GRIN2D: variants seen among roughly 807,000 people sequenced by gnomAD.
GRIN2D encodes the protein glutamate receptor ionotropic, NMDA 2D.
A neutral mutation model predicts 103.2 loss-of-function variants in GRIN2D; 37 were observed. The ratio of observed to expected loss-of-function variants is 0.36; its 90% CI spans 0.28 to 0.47. The LOEUF is 0.47. GRIN2D is among the 20% of genes least tolerant of loss of function. GRIN2D has a pLI of 1.00. For missense variants in GRIN2D, 1,557 were observed against 1,910.6 expected, an observed-to-expected ratio of 0.81 and a Z score of 3.45; for synonymous variants, 845 against 885.6, an observed-to-expected ratio of 0.95 and a Z score of 0.81.
Position 48,415,010 on chromosome 19 carries a change from T to C in GRIN2D, c.1559T>C (p.Val520Ala). ...NGKHGKKIDG[V>A]WNGMIGEVFY... ...AAGCACGGAAAGAAGATCGATGGCG[T>C]CTGGAACGGCATGATCGGGGAGGTG... The change falls in exon 7 of 14, where the codon GTC (valine) becomes GCC (alanine). Residue 520 changes from valine (V) to alanine (A), a missense_variant. Transcript: ENST00000263269. 2 of 1,598,970 alleles carry C rather than the reference T, an allele frequency of 1.3e-6. No homozygotes were observed. Among genetic ancestry groups the C allele is most frequent in the Non-Finnish European group, 1.7e-6 (2 of 1,169,692 alleles).
intron 11 of GRIN2D, among the ~76,000 whole-genome samples, chr19:48,438,389 C>T (rs891275261): frequency 6.8e-6 from 1 of 147,444 alleles, no homozygotes; most frequent in Non-Finnish European, 1.5e-5. Flanking sequence ...ACCTCTGCCT[C>T]CCGAGTTCAA....
intron 8 of GRIN2D, among the ~76,000 whole-genome samples, chr19:48,418,430 G>C (rs1970974458): frequency 6.6e-6 from 1 of 152,130 alleles, no homozygotes; most frequent in Non-Finnish European, 1.5e-5. Context: ...TGTCCTGGGG[G>C]TGCTAGGGAG....
intron 11 of GRIN2D, among the ~76,000 whole-genome samples, chr19:48,437,224 G>A (rs527532678): frequency 2.4e-4 from 36 of 152,072 alleles, no homozygotes; most frequent in Admixed American, 5.9e-4. Context: ...ACCCTCAAGC[G>A]ATCCTCCCAC....
chr19:48,428,326 C>T (rs1971112865), intron 11 of GRIN2D, among the ~76,000 whole-genome samples: 1 of 149,712 alleles, frequency 6.7e-6, no homozygotes, highest in Non-Finnish European at 1.5e-5. Context: ...TGTGAACCAC[C>T]GAACCCAGTC....
chr19:48,403,242 T>C (rs1970740485), intron 3 of GRIN2D, among the ~76,000 whole-genome samples: 1 of 149,282 alleles, frequency 6.7e-6, no homozygotes, highest in South Asian at 2.1e-4. Flanking sequence ...GATAGATTTG[T>C]CTGGAGCTCA....
chr19:48,416,244 C>G lies in GRIN2D; in HGVS notation c.1735+89C>G, dbSNP rs542256607. 361 of 1,211,206 alleles carry G rather than the reference C, an allele frequency of 3.0e-4. 2 individuals carry two copies. The South Asian group carries it at 4.6e-3, about 15-fold the overall frequency. The allele number at this position is 1,211,206 out of a possible 1,614,324, so 75.0% of individuals were successfully genotyped here. ...GCCCTGGGATCAGAAAACCTGGGTT[C>G]CCGGTATCATCGGTACTTGAACCCG... On this transcript the variant is annotated intron_variant, in intron 8 of 13. Transcript: ENST00000263269.
chr19:48,425,824 G>C (rs1046704176), intron 11 of GRIN2D, among the ~76,000 whole-genome samples: 3 of 152,016 alleles, frequency 2.0e-5, no homozygotes, highest in Non-Finnish European at 4.4e-5. Flanking sequence ...GTGAGGTACA[G>C]TGAGGTACAA....
intron 11 of GRIN2D, among the ~76,000 whole-genome samples, chr19:48,439,918 G>C (rs2147473070): frequency 6.6e-6 from 1 of 152,234 alleles, no homozygotes; most frequent in South Asian, 2.1e-4. Context: ...ACTCCAGCCT[G>C]GGCAGGGCCT....
intron 11 of GRIN2D, among the ~76,000 whole-genome samples, chr19:48,437,932 C>T (rs1056320413): frequency 4.6e-5 from 7 of 152,160 alleles, no homozygotes; most frequent in Admixed American, 2.0e-4. Context: ...CATTCTCCAA[C>T]GGTGGGATGA....
intron 11 of GRIN2D, among the ~76,000 whole-genome samples, chr19:48,441,169 C>T (rs1971286571): frequency 6.6e-6 from 1 of 151,932 alleles, no homozygotes; most frequent in Non-Finnish European, 1.5e-5. Flanking sequence ...TCGAGATCAG[C>T]CTGGCCAACA....
At chr19:48,416,681 C>T (rs548648241) in intron 8 of GRIN2D, among the ~76,000 whole-genome samples, 2 of 151,654 alleles carry the variant, frequency 1.3e-5, no homozygotes, top group Non-Finnish European at 1.5e-5. Context: ...AATCCCTGTC[C>T]AGTAGGATCT....
chr19:48,441,778 C>T lies in GRIN2D; in HGVS notation c.2262C>T (p.Asp754=), dbSNP rs769986115. 33 of 1,609,752 alleles carry T rather than the reference C, an allele frequency of 2.1e-5. No homozygotes were observed. The highest frequency in any genetic ancestry group is 2.2e-5 in the South Asian group (2 of 90,890). Residue 754 remains aspartate (D), a synonymous_variant, in exon 12 of 14, where the codon GAC becomes GAT. Coordinates refer to ENST00000263269, the MANE Select transcript of GRIN2D (RefSeq NM_000836.4). ...TTCCCCCTCCCCCCAGGAAGCTGGA[C>T]GCCTTCATCTACGATGCTGCAGTGC... is the stretch of plus-strand genomic sequence containing the variant. ...ALTQLKAGKL[D]AFIYDAAVLN...
At position 48,443,563 on chromosome 19, in the gene GRIN2D, C is replaced by T. The variant is rs1448941653; in HGVS notation, c.3637C>T (p.Pro1213Ser). Residue 1213 changes from proline (P) to serine (S), a missense_variant, in exon 14 of 14, where the codon CCC becomes TCC. This residue lies in a region of GRIN2D where 632 missense variants were observed against 572.8 expected (regional missense o/e 1.10). Transcript: ENST00000263269. This position sits in a 1 kb window ranked among gnomAD's most constrained non-coding sequence, Gnocchi z 8.9. ...DGGWWAPPPP[P>S]WAAGPLPRRR... Reference sequence around the variant, plus strand: ...CGGCTGGTGGGCGCCACCGCCTCCACCCTGGGCCGCCGGGCCCCTGCCCCG... The same window carrying T: ...CGGCTGGTGGGCGCCACCGCCTCCATCCTGGGCCGCCGGGCCCCTGCCCCG... 3.2e-6 allele frequency: 4 copies of T among 1,235,772 alleles called. No homozygotes were observed. The Admixed American group carries it at 1.7e-4, about 54-fold the overall frequency. The allele number at this position is 1,235,772 out of a possible 1,614,324, so 76.6% of individuals were successfully genotyped here. A position where few individuals can be genotyped will look rare whatever the true frequency, so the allele number is the denominator to read the frequency against.
At chr19:48,411,657 A>C (rs1569062690) in intron 4 of GRIN2D, among the ~76,000 whole-genome samples, 1 of 151,952 alleles carries the variant, frequency 6.6e-6, no homozygotes, top group Non-Finnish European at 1.5e-5. Context: ...TCAATAATAA[A>C]TAAATAAATA....
At chr19:48,423,022 C>T (rs890802985) in intron 11 of GRIN2D, among the ~76,000 whole-genome samples, 4 of 152,034 alleles carry the variant, frequency 2.6e-5, no homozygotes, top group African/African-American at 9.7e-5. Flanking sequence ...AACAGCCTGG[C>T]CAACATGATG....
intron 8 of GRIN2D, among the ~76,000 whole-genome samples, chr19:48,418,601 C>T (rs956373393): frequency 2.6e-5 from 4 of 151,986 alleles, no homozygotes; most frequent in African/African-American, 9.7e-5. Context: ...AGGAGAGGCC[C>T]AAGTAGCATC....
At chr19:48,419,406 A>G in intron 9 of GRIN2D, 47 bp downstream of exon 9, 1 of 1,572,542 alleles carries the variant, frequency 6.4e-7, no homozygotes, top group Non-Finnish European at 8.6e-7. Context: ...CCCGAACCAC[A>G]GAGACAGAGA....
chr19:48,439,267 A>G (rs1380811337), intron 11 of GRIN2D, among the ~76,000 whole-genome samples: 1 of 151,692 alleles, frequency 6.6e-6, no homozygotes, highest in Non-Finnish European at 1.5e-5. Context: ...TATTTAAAAA[A>G]TATATAAAAT....
chr19:48,419,487 T>C, intron 9 of GRIN2D, 98 bp from the exon 10 acceptor site: 2 of 1,374,562 alleles, frequency 1.5e-6, no homozygotes, highest in Non-Finnish European at 2.0e-6. Flanking sequence ...CCAGATGCCT[T>C]GAGGGCCACT....
Sources: allele counts gnomAD v4.1 joint callset (sites outside exome capture counted in the v4.1 genomes callset), GRCh38; gene constraint gnomAD v4.1.1; regional missense constraint gnomAD v4.1.1; non-coding constraint Gnocchi (gnomAD v3.1); transcripts MANE v1.5; gene names NCBI Gene and HGNC (gene_info 2026-07-23, HGNC 2026-07-21).